The following NSMCE2 variants were observed in gnomAD, a reference collection of about 807,000 sequenced individuals.
NSMCE2 encodes NSE2 SUMO ligase component of SMC5/6 complex.
Under a neutral mutation model 23.8 loss-of-function variants are expected in NSMCE2, and 24 were observed. That is an observed-to-expected ratio of 1.01 (90% CI 0.73 to 1.42). The LOEUF (loss-of-function observed/expected upper bound fraction) is 1.42, where lower values mean the gene tolerates loss of function less well. Among genes scored for constraint, NSMCE2 ranks in the 40% most tolerant of loss-of-function variants. The pLI is 0.00. For synonymous variants in NSMCE2, 92 were observed against 94.1 expected (o/e 0.98, Z 0.13); for missense variants, 284 against 296.5 (o/e 0.96, Z 0.31).
At chr8:125,341,728 CCCG>C (rs1830255988) in intron 5 of NSMCE2, among the ~76,000 whole-genome samples, 1 of 152,038 alleles carries the variant, frequency 6.6e-6, no homozygotes, top group Admixed American at 6.5e-5. Context: ...AACCTACCCT[CCCG>C]AAGTCCATTC....
intron 4 of NSMCE2, among the ~76,000 whole-genome samples, chr8:125,161,314 C>A (rs2130726949): frequency 6.6e-6 from 1 of 152,024 alleles, no homozygotes; most frequent in African/African-American, 2.4e-5. Context: ...AAAAAAAAGT[C>A]TAATAATACA....
chr8:125,272,757 A>G lies in NSMCE2; in HGVS notation c.419-84462A>G, dbSNP rs547347110. Among the ~76,000 whole-genome samples the G allele has an allele frequency of 2.3e-4, 33 of 142,466 alleles. 4 individuals carry two copies. Among genetic ancestry groups the G allele is most frequent in the African/African-American group, 3.7e-4 (14 of 38,100 alleles). 93.5% of individuals were successfully genotyped at this position (142,466 alleles called of 152,430 possible). ...CACACACACATATATATACACACGT[A>G]TATATATATACACACACACGTATAT... On this transcript the variant is annotated intron_variant, in intron 5 of 7. Transcript: ENST00000287437.
In NSMCE2 at chr8:125,136,243, A is replaced by C. The variant is rs143198933; in HGVS notation, c.158-14928A>C. Among the ~76,000 whole-genome samples the C allele has an allele frequency of 3.9e-5, 6 of 152,326 alleles. No individual in the cohort carries two copies. In the East Asian group the frequency reaches 1.2e-3, roughly 29 times the overall value. ...CTTGTACTTGAGAAAGAGAATTGGC[A>C]ACATCATGGAAGAACTATTAGAGGG... On this transcript the variant is annotated intron_variant, in intron 3 of 7. Transcript: ENST00000287437.
intron 1 of NSMCE2, among the ~76,000 whole-genome samples, chr8:125,101,728 A>G (rs959362106): frequency 3.3e-5 from 5 of 152,218 alleles, no homozygotes; most frequent in Non-Finnish European, 5.9e-5. Context: ...AAACTGTTAT[A>G]GTGGATGTGC....
At chr8:125,331,965 T>A (rs1218667801) in intron 5 of NSMCE2, among the ~76,000 whole-genome samples, 1 of 152,142 alleles carries the variant, frequency 6.6e-6, no homozygotes, top group Non-Finnish European at 1.5e-5. Context: ...TCTAAGGAGA[T>A]CAAAGCTGCT....
intron 5 of NSMCE2, among the ~76,000 whole-genome samples, chr8:125,320,233 A>AGGGAGGGAGGGAGGG (rs1280474045): frequency 4.9e-5 from 1 of 20,418 alleles, no homozygotes; most frequent in African/African-American, 1.2e-4. Flanking sequence ...GGAGGGAGGG[A>AGGGAGGGAGGGAGGG]AGGGAGGGAG....
chr8:125,099,390 A>G (rs1247239631), intron 1 of NSMCE2, among the ~76,000 whole-genome samples: 1 of 152,116 alleles, frequency 6.6e-6, no homozygotes, highest in Non-Finnish European at 1.5e-5. Context: ...GGGGACCAGT[A>G]TCATGGCAGA....
At chr8:125,184,904 T>C (rs1319784109) in intron 5 of NSMCE2, among the ~76,000 whole-genome samples, 1 of 152,202 alleles carries the variant, frequency 6.6e-6, no homozygotes, top group Non-Finnish European at 1.5e-5. Context: ...AATAATTTTT[T>C]TGTTTTTAAA....
At chr8:125,093,009 G>A (rs1358505360) in intron 1 of NSMCE2, among the ~76,000 whole-genome samples, 2 of 152,186 alleles carry the variant, frequency 1.3e-5, no homozygotes, top group East Asian at 1.9e-4. Context: ...GTCCCCTTGC[G>A]AGAGGGGTAA....
At chr8:125,220,754 T>C (rs575583968) in intron 5 of NSMCE2, among the ~76,000 whole-genome samples, 2 of 152,316 alleles carry the variant, frequency 1.3e-5, no homozygotes, top group East Asian at 3.9e-4. Flanking sequence ...TGAAATCCAC[T>C]TATTCATTTA....
chr8:125,327,870 ACAT>A (rs1829734564), intron 5 of NSMCE2, among the ~76,000 whole-genome samples: 1 of 152,174 alleles, frequency 6.6e-6, no homozygotes, highest in South Asian at 2.1e-4. Flanking sequence ...GAGATTCTTG[ACAT>A]CTCTAAATGG....
chr8:125,281,703 A>C (rs982292094), intron 5 of NSMCE2, among the ~76,000 whole-genome samples: 1 of 151,118 alleles, frequency 6.6e-6, no homozygotes, highest in African/African-American at 2.4e-5. Context: ...AGCCTCCCAA[A>C]GTGCTGGGAT....
rs559541116 is a variant in NSMCE2 at position 125,170,468 on chromosome 8, G to A, written c.265-11635G>A. ...TTGGGCAGGCTGGAGTGCAAATGGC[G>A]CTGTCTCGGCTCACTGCAAACTCCA... On this transcript the variant is annotated intron_variant, in intron 4 of 7. Coordinates refer to ENST00000287437, the MANE Select transcript of NSMCE2 (RefSeq NM_173685.4). Among the ~76,000 whole-genome samples the A allele has an allele frequency of 2.5e-4, 33 of 132,638 alleles. No homozygotes were observed. In the East Asian group the frequency reaches 4.4e-3, roughly 18 times the overall value. The allele number at this position is 132,638 out of a possible 152,430, so 87.0% of individuals were successfully genotyped here. A position where few individuals can be genotyped will look rare whatever the true frequency, so the allele number is the denominator to read the frequency against.
At chr8:125,156,414 A>C (rs931078163) in intron 4 of NSMCE2, 1 of 153,222 alleles carries the variant, frequency 6.5e-6, no homozygotes, top group Admixed American at 6.5e-5. Flanking sequence ...TGCATCTTAT[A>C]AATTGTATAA....
At chr8:125,262,160 T>C (rs1422547273) in intron 5 of NSMCE2, among the ~76,000 whole-genome samples, 1 of 151,838 alleles carries the variant, frequency 6.6e-6, no homozygotes, top group Non-Finnish European at 1.5e-5. Flanking sequence ...GTGCGATGGC[T>C]CACACCTGTA....
intron 4 of NSMCE2, among the ~76,000 whole-genome samples, chr8:125,174,183 G>A (rs2130778490): frequency 6.6e-6 from 1 of 152,156 alleles, no homozygotes; most frequent in Middle Eastern, 3.4e-3. Context: ...TAATCTGCTT[G>A]ATTATTTGAA....
chr8:125,258,381 A>ATGGTCTTATACTAGT (rs1462976875), intron 5 of NSMCE2, among the ~76,000 whole-genome samples: 1 of 152,178 alleles, frequency 6.6e-6, no homozygotes, highest in Non-Finnish European at 1.5e-5. Context: ...TTTGGAGATT[A>ATGGTCTTATACTAGT]TGGTCTTATA....
At chr8:125,168,672 G>T (rs1822019765) in intron 4 of NSMCE2, among the ~76,000 whole-genome samples, 2 of 152,198 alleles carry the variant, frequency 1.3e-5, no homozygotes, top group South Asian at 4.1e-4. Context: ...TTGCCCTCGT[G>T]CTCTAATCTC....
chr8:125,338,284 GA>G (rs11411074), intron 5 of NSMCE2, among the ~76,000 whole-genome samples: 132 of 144,508 alleles, frequency 9.1e-4, no homozygotes, highest in African/African-American at 2.4e-3. Context: ...ATGTTGGGTG[GA>G]AAAAAAAAAA....
Sources: allele counts gnomAD v4.1 joint callset (sites outside exome capture counted in the v4.1 genomes callset), GRCh38; gene constraint gnomAD v4.1.1; transcripts MANE v1.5; gene names NCBI Gene and HGNC (gene_info 2026-07-23, HGNC 2026-07-21).